KCTD3: variants seen among roughly 807,000 people sequenced by gnomAD.
KCTD3 encodes BTB/POZ domain-containing protein KCTD3.
A neutral mutation model predicts 85.8 loss-of-function variants in KCTD3; 41 were observed. That is an observed-to-expected ratio of 0.48 (90% confidence interval 0.37 to 0.62). The LOEUF (loss-of-function observed/expected upper bound fraction) is 0.62. Among genes scored for constraint, KCTD3 ranks in the 20% least tolerant of loss-of-function variants. The pLI is 0.00. For missense variants in KCTD3, 724 were observed against 989.9 expected (o/e 0.73, Z 3.60); for synonymous variants, 338 against 345.4 (o/e 0.98, Z 0.24).
chr1:215,618,841 T>G (rs1390605203), intron 15 of KCTD3, 45 bp from the exon 16 acceptor site: 1 of 1,387,914 alleles, frequency 7.2e-7, no homozygotes, highest in African/African-American at 1.5e-5. Context: ...TCTTTTTAAA[T>G]AATTGCTCAT....
At chr1:215,576,257 A>G (rs955385411) in intron 4 of KCTD3, among the ~76,000 whole-genome samples, 4 of 150,982 alleles carry the variant, frequency 2.6e-5, no homozygotes, top group Non-Finnish European at 1.5e-5. Context: ...TTAGTAGAGA[A>G]GGGGTTTCAC....
chr1:215,568,535 G>A (rs1221149896), intron 1 of KCTD3, among the ~76,000 whole-genome samples: 5 of 131,382 alleles, frequency 3.8e-5, no homozygotes, highest in Non-Finnish European at 6.1e-5. Context: ...TTTGTTGGGG[G>A]AAAAAATCGT....
chr1:215,579,240 T>G (rs1468768759), intron 7 of KCTD3, 103 bp downstream of exon 7: 8 of 791,594 alleles, frequency 1.0e-5, no homozygotes, highest in Non-Finnish European at 1.6e-5. Context: ...ATCTCCTTTT[T>G]TATCCAGATT....
rs754625647 is a variant in KCTD3, at chr1:215,579,007, T to C, written c.405T>C (p.Pro135=). 6.4e-7 allele frequency: 1 copy of C among 1,553,518 alleles called. No homozygotes were observed. Among genetic ancestry groups the C allele is most frequent in the East Asian group, 2.4e-5 (1 of 41,660 alleles). ...TTCTTCTTCTCTTTATAGGTATTCC[T>C]AGTCGTAAAATAAACAACACAGTCA... ...FHGYLPPPGI[P]SRKINNTVRS... The change falls in exon 7 of 18, where the codon CCT becomes CCC. Residue 135 remains proline (P), a synonymous_variant. Transcript: ENST00000259154.
In KCTD3 at chr1:215,586,580, GTGGTTGGAGGGCCACA is replaced by G; in HGVS notation, c.716_731del (p.Val239GlufsTer38). 6.2e-7 allele frequency: 1 copy of G among 1,614,090 alleles called. No homozygotes were observed. Reference sequence around the variant, plus strand: ...CGAACGAGTAGCTTTAAATGCAAAGGTGGTTGGAGGGCCACATGGAGACAAAGACAAAATGGTTGCT... The same window carrying G: ...CGAACGAGTAGCTTTAAATGCAAAGGTGGAGACAAAGACAAAATGGTTGCT... On this transcript the variant is annotated frameshift_variant, in exon 9 of 18. Coordinates refer to ENST00000259154, the MANE Select transcript of KCTD3 (RefSeq NM_016121.5). LOFTEE classifies it high-confidence loss of function.
intron 8 of KCTD3, 111 bp downstream of exon 8, chr1:215,580,110 C>G: frequency 1.5e-6 from 1 of 676,542 alleles, no homozygotes; most frequent in Middle Eastern, 3.1e-4. Context: ...CAAGTTTTTT[C>G]CCTGCATATT....
At chr1:215,590,750 T>G (rs2102575783) in intron 9 of KCTD3, among the ~76,000 whole-genome samples, 1 of 152,350 alleles carries the variant, frequency 6.6e-6, no homozygotes, top group African/African-American at 2.4e-5. Flanking sequence ...TATGTTCAGC[T>G]GTTTAATTTG....
chr1:215,599,162 T>C (rs1380599003), intron 10 of KCTD3, among the ~76,000 whole-genome samples: 2 of 152,184 alleles, frequency 1.3e-5, no homozygotes, highest in Admixed American at 6.5e-5. Flanking sequence ...AGCAAAACTA[T>C]CATTCAAACC....
At chr1:215,568,520 T>C (rs927667358) in intron 1 of KCTD3, among the ~76,000 whole-genome samples, 24 of 116,932 alleles carry the variant, frequency 2.1e-4, no homozygotes, top group Admixed American at 4.7e-4. Flanking sequence ...GTGCCTGTTA[T>C]TAAGTTTGTT....
rs1266561187 is a variant in KCTD3, at chr1:215,586,559, C to T, written c.691C>T (p.Arg231Ter). ...TSPYLDWTIE[R>*]VALNAKVVGG... The stretch of plus-strand genomic sequence containing the variant: ...CCCATATTTGGATTGGACTATCGAA[C>T]GAGTAGCTTTAAATGCAAAGGTGGT... Residue 231 changes from arginine to a stop codon, truncating the protein, a stop_gained, in exon 9 of 18, where the codon CGA becomes TGA. Coordinates refer to ENST00000259154, the MANE Select transcript of KCTD3 (RefSeq NM_016121.5). LOFTEE classifies it high-confidence loss of function. 4.3e-6 allele frequency: 7 copies of T among 1,613,732 alleles called. No individual in the cohort carries two copies. The highest frequency in any genetic ancestry group is 5.9e-6 in the Non-Finnish European group (7 of 1,179,934).
intron 13 of KCTD3, among the ~76,000 whole-genome samples, chr1:215,604,655 T>C (rs921544410): frequency 6.6e-6 from 1 of 150,556 alleles, no homozygotes; most frequent in Admixed American, 6.6e-5. Context: ...TTAGGAGATG[T>C]GATTTTTTTT....
chr1:215,591,895 T>C (rs1660241506), intron 9 of KCTD3, among the ~76,000 whole-genome samples: 1 of 152,158 alleles, frequency 6.6e-6, no homozygotes, highest in South Asian at 2.1e-4. Flanking sequence ...TACTCAAAAC[T>C]GGGAAATTCA....
intron 8 of KCTD3, chr1:215,580,977 T>C (rs778005324): frequency 3.2e-5 from 15 of 467,012 alleles, no homozygotes; most frequent in Non-Finnish European, 4.9e-5. Context: ...TTAAGAGTGT[T>C]TTGGCTGGGC....
rs202164409 is a variant in KCTD3 at position 215,604,289 on chromosome 1, G to A, written c.1296G>A (p.Lys432=). ...TAACAAAAATCATGCTATCAGAGAA[G>A]CATCTTGTATCAGGTAAAATGATTT... The part of the protein sequence containing the change: ...SPVTKIMLSE[K]HLVSVCADNN... Residue 432 remains lysine (K), a synonymous_variant, in exon 13 of 18, where the codon AAG becomes AAA. Coordinates refer to ENST00000259154, the MANE Select transcript of KCTD3 (RefSeq NM_016121.5). The A allele has an allele frequency of 1.4e-5, 22 of 1,613,432 alleles. No individual in the cohort carries two copies. The East Asian group carries it at 4.9e-4, about 36-fold the overall frequency.
rs1659160405 is a variant in KCTD3 at position 215,567,412 on chromosome 1, G to A, written c.-274G>A. The A allele has an allele frequency of 4.6e-6, 1 of 218,196 alleles. No individual in the cohort carries two copies. Among genetic ancestry groups the A allele is most frequent in the African/African-American group, 2.3e-5 (1 of 43,574 alleles). The allele number at this position is 218,196 out of a possible 1,614,324, so 13.5% of individuals were successfully genotyped here. On this transcript the variant is annotated 5_prime_UTR_variant, in exon 1 of 18. Coordinates refer to ENST00000259154, the MANE Select transcript of KCTD3 (RefSeq NM_016121.5). ...GCGGCGTCGGTGGCAGCGGAGCACG[G>A]AGAAGAGGCCCGGGCGGCCCGGCGG...
At chr1:215,579,420 T>TA in intron 7 of KCTD3, among the ~76,000 whole-genome samples, 1 of 152,332 alleles carries the variant, frequency 6.6e-6, no homozygotes, top group Non-Finnish European at 1.5e-5. Context: ...CTGTCAGACC[T>TA]ACTCAACTTT....
intron 15 of KCTD3, chr1:215,618,257 G>A (rs938638523): frequency 3.1e-6 from 1 of 325,586 alleles, no homozygotes; most frequent in Admixed American, 3.2e-5. Flanking sequence ...TCAAGAATGA[G>A]ACTAGGATAG....
At chr1:215,602,499 TTTGTC>T (rs1654873337) in intron 12 of KCTD3, among the ~76,000 whole-genome samples, 1 of 151,998 alleles carries the variant, frequency 6.6e-6, no homozygotes, top group Non-Finnish European at 1.5e-5. Flanking sequence ...ATTCTGCACA[TTTGTC>T]TTCCTATTAA....
At chr1:215,611,069 A>G (rs908300325) in intron 14 of KCTD3, among the ~76,000 whole-genome samples, 1 of 151,966 alleles carries the variant, frequency 6.6e-6, no homozygotes, top group Non-Finnish European at 1.5e-5. Context: ...GAGAATTATT[A>G]AAATTTTATG....
Sources: gnomAD v4.1 joint callset for allele counts (sites outside exome capture counted in the v4.1 genomes callset) on GRCh38, gnomAD v4.1.1 for gene constraint, MANE v1.5 for transcripts, NCBI Gene and HGNC (gene_info 2026-07-23, HGNC 2026-07-21) for gene names.